Variants in TIAM2 observed in about 807,000 individuals in gnomAD.
TIAM2 encodes the protein rho guanine nucleotide exchange factor TIAM2.
A neutral mutation model predicts 152.9 loss-of-function variants in TIAM2; 80 were observed. That is an observed-to-expected ratio of 0.52 (90% confidence interval 0.44 to 0.63). The LOEUF (loss-of-function observed/expected upper bound fraction) is 0.63, where lower values mean the gene tolerates loss of function less well. Among genes scored for constraint, TIAM2 ranks in the 30% least tolerant of loss-of-function variants. TIAM2 has a pLI of 0.00. For synonymous variants in TIAM2, 804 were observed against 838.0 expected, an observed-to-expected ratio of 0.96 and a Z score of 0.70; for missense variants, 1,965 against 2,120.1, an observed-to-expected ratio of 0.93 and a Z score of 1.44.
intron 21 of TIAM2, chr6:155,250,460 G>A (rs1328483648): frequency 4.0e-6 from 5 of 1,240,858 alleles, no homozygotes. Flanking sequence ...AGTTTAGGGA[G>A]AAAATGGCAG....
chr6:155,113,238 C>A (rs995342459), intron 2 of TIAM2, among the ~76,000 whole-genome samples: 2 of 152,088 alleles, frequency 1.3e-5, no homozygotes, highest in Non-Finnish European at 2.9e-5. Context: ...TCTGTTGCCC[C>A]TGCCCACGGT....
chr6:155,111,339 T>A (rs933242265), intron 2 of TIAM2, among the ~76,000 whole-genome samples: 24 of 130,244 alleles, frequency 1.8e-4, no homozygotes, highest in Non-Finnish European at 3.1e-4. Context: ...ACACACACAC[T>A]CTCCGTTGAA....
Position 155,240,663 on chromosome 6 carries a change from G to A in TIAM2, c.3302G>A (p.Arg1101His), listed in dbSNP as rs745750351. ...ARHLSDADRLRKVIQELVDTE... is the reference protein window; with the variant it reads ...ARHLSDADRLHKVIQELVDTE... ...CACCTGTCTGATGCAGACCGCCTCC[G>A]CAAAGTCATCCAGGAGCTTGTGGAC... The change falls in exon 16 of 27, where the codon CGC (arginine) becomes CAC (histidine). Residue 1101 changes from arginine (R) to histidine (H), a missense_variant. By Grantham distance (29) the Arg-to-His change is conservative. Transcript: ENST00000682666. 22 of 1,613,572 alleles carry A rather than the reference G, an allele frequency of 1.4e-5. No individual in the cohort carries two copies. The highest frequency in any genetic ancestry group is 4.0e-5 in the African/African-American group (3 of 74,936).
intron 5 of TIAM2, among the ~76,000 whole-genome samples, chr6:155,138,183 G>A (rs1779599680): frequency 6.6e-6 from 1 of 152,086 alleles, no homozygotes; most frequent in African/African-American, 2.4e-5. Context: ...TATTTCATAG[G>A]TATTTAGCTT....
intron 25 of TIAM2, 105 bp from the exon 26 acceptor site, chr6:155,254,314 A>T: frequency 6.8e-7 from 1 of 1,460,582 alleles, no homozygotes; most frequent in Non-Finnish European, 9.3e-7. Context: ...GCTGGCTGGC[A>T]GCCTGGTCCA....
At chr6:155,149,311 C>CT (rs987132652) in intron 7 of TIAM2, 1 of 167,024 alleles carries the variant, frequency 6.0e-6, no homozygotes, top group African/African-American at 2.4e-5. Context: ...GGGTGATTCA[C>CT]TATAGAATCC....
At chr6:155,056,167 CTTTTTTTTTT>C (rs763205169) in intron 1 of TIAM2, among the ~76,000 whole-genome samples, 15 of 98,612 alleles carry the variant, frequency 1.5e-4, no homozygotes, top group African/African-American at 6.4e-4. Context: ...TATTGTTCTT[CTTTTTTTTTT>C]TTTTTTTTTT....
intron 15 of TIAM2, among the ~76,000 whole-genome samples, chr6:155,238,875 G>A (rs1049578372): frequency 1.3e-5 from 2 of 152,174 alleles, no homozygotes; most frequent in African/African-American, 2.4e-5. Context: ...GATGACCACT[G>A]AATTGAACTG....
chr6:155,031,964 G>A (rs1046921373), intron 1 of TIAM2, among the ~76,000 whole-genome samples: 1 of 152,136 alleles, frequency 6.6e-6, no homozygotes, highest in African/African-American at 2.4e-5. Context: ...TTTTGAAGAT[G>A]TATATCAACT....
chr6:155,108,333 A>G (rs1778748275), intron 2 of TIAM2, among the ~76,000 whole-genome samples: 1 of 152,130 alleles, frequency 6.6e-6, no homozygotes, highest in South Asian at 2.1e-4. Context: ...AAGATTGGTC[A>G]TATTTTATTG....
At chr6:155,096,721 A>G (rs1467383431) in intron 2 of TIAM2, among the ~76,000 whole-genome samples, 1 of 152,192 alleles carries the variant, frequency 6.6e-6, no homozygotes, top group Non-Finnish European at 1.5e-5. Context: ...TCCATTATGT[A>G]TATATACCAC....
chr6:155,241,297 A>C (rs1444601455), intron 16 of TIAM2, among the ~76,000 whole-genome samples: 2 of 152,224 alleles, frequency 1.3e-5, no homozygotes. Flanking sequence ...GATTTTATGA[A>C]GAATACTGGA....
At chr6:155,098,871 G>A (rs887979097) in intron 2 of TIAM2, among the ~76,000 whole-genome samples, 16 of 152,240 alleles carry the variant, frequency 1.1e-4, no homozygotes, top group Admixed American at 7.2e-4. Context: ...TGCTTGTTAT[G>A]TAAGTAACAC....
At chr6:155,043,617 G>T (rs1310869937) in intron 1 of TIAM2, among the ~76,000 whole-genome samples, 1 of 133,418 alleles carries the variant, frequency 7.5e-6, no homozygotes, top group Non-Finnish European at 1.5e-5. Context: ...CTGGGTGACA[G>T]AGTGAGACCC....
chr6:155,151,648 TC>T (rs1779972402), intron 7 of TIAM2, among the ~76,000 whole-genome samples: 1 of 152,042 alleles, frequency 6.6e-6, no homozygotes, highest in Non-Finnish European at 1.5e-5. Flanking sequence ...GACTGTAGTG[TC>T]TTTGGAAGAT....
rs5881117 is a variant in TIAM2 at position 155,054,591 on chromosome 6, T to TGTTTTG, written c.-208-35698_-208-35697insGTTTTG. 5.2e-3 allele frequency among the ~76,000 whole-genome samples: 784 copies of TGTTTTG among 149,740 alleles called. 5 individuals carry two copies. Among genetic ancestry groups the TGTTTTG allele is most frequent in the South Asian group, 0.03 (144 of 4,756 alleles). ...AGTTTTGTTTTGTTTTGTTTTGTTTTTTTTTTTTGAGACGGAGTCTCACTC... is the reference window on the plus strand; with the variant it reads ...AGTTTTGTTTTGTTTTGTTTTGTTTTGTTTTGTTTTTTTTGAGACGGAGTCTCACTC... On this transcript the variant is annotated intron_variant, in intron 1 of 26. Transcript: ENST00000682666.
Position 155,256,466 on chromosome 6 carries a change from G to GTGTT in TIAM2, c.4469-16_4469-13dup. 1 of 1,614,046 alleles carries GTGTT rather than the reference G, an allele frequency of 6.2e-7. No homozygotes were observed. The highest frequency in any genetic ancestry group is 2.2e-5 in the East Asian group (1 of 44,888). On this transcript the variant is annotated splice_polypyrimidine_tract_variant and intron_variant, in intron 26 of 26. Coordinates refer to ENST00000682666, the MANE Select transcript of TIAM2 (RefSeq NM_012454.4). ...ACCTGTTTCTGTATCACAGCGAAAT[G>GTGTT]TGTTTTTCTCACTGTAGCTTCATCC... is the stretch of plus-strand genomic sequence containing the variant.
intron 4 of TIAM2, among the ~76,000 whole-genome samples, chr6:155,133,371 G>A (rs1779489260): frequency 6.6e-6 from 1 of 151,878 alleles, no homozygotes; most frequent in Non-Finnish European, 1.5e-5. Flanking sequence ...CAACAAAACA[G>A]CAACAACAAC....
intron 1 of TIAM2, among the ~76,000 whole-genome samples, chr6:155,066,164 TCCCAAAGGG>T (rs1777690031): frequency 3.0e-5 from 2 of 67,162 alleles, no homozygotes; most frequent in Non-Finnish European, 7.1e-5. Flanking sequence ...ATTTTCCTGT[TCCCAAAGGG>T]CCTTTGGCCT....
Sources: gnomAD v4.1 joint callset for allele counts (sites outside exome capture counted in the v4.1 genomes callset) on GRCh38, gnomAD v4.1.1 for gene constraint, MANE v1.5 for transcripts, NCBI Gene and HGNC (gene_info 2026-07-23, HGNC 2026-07-21) for gene names.